Variants in CPEB3 observed in about 807,000 individuals in gnomAD.
CPEB3 encodes cytoplasmic polyadenylation element binding protein 3.
A neutral mutation model predicts 67.2 loss-of-function variants in CPEB3; 20 were observed. The ratio of observed to expected loss-of-function variants is 0.30; its 90% CI spans 0.21 to 0.43. The LOEUF (loss-of-function observed/expected upper bound fraction) is 0.43. CPEB3 is among the 20% of genes least tolerant of loss of function. CPEB3 has a pLI of 1.00. For missense variants in CPEB3, 746 were observed against 968.6 expected, an observed-to-expected ratio of 0.77 and a Z score of 3.05; for synonymous variants, 376 against 393.1, an observed-to-expected ratio of 0.96 and a Z score of 0.51.
At chr10:92,178,874 T>C (rs1848344405) in intron 4 of CPEB3, among the ~76,000 whole-genome samples, 1 of 152,106 alleles carries the variant, frequency 6.6e-6, no homozygotes, top group Admixed American at 6.5e-5. Flanking sequence ...ATATTTTTGT[T>C]CTGATCATCT....
chr10:92,267,887 C>T (rs1282979568), intron 1 of CPEB3, among the ~76,000 whole-genome samples: 2 of 152,154 alleles, frequency 1.3e-5, no homozygotes, highest in Admixed American at 6.6e-5. Flanking sequence ...GGCACGATCT[C>T]GGCTCACTGC....
intron 1 of CPEB3, among the ~76,000 whole-genome samples, chr10:92,285,947 C>CT (rs11380868): frequency 0.1 from 14,647 of 142,654 alleles, 2,240 homozygotes; most frequent in African/African-American, 0.34. Context: ...TTGCTTTTTT[C>CT]TTTTTTTTTT....
At chr10:92,100,656 A>C (rs548175562) in intron 7 of CPEB3, among the ~76,000 whole-genome samples, 1 of 151,964 alleles carries the variant, frequency 6.6e-6, no homozygotes, top group East Asian at 1.9e-4. Flanking sequence ...CAGTGGCACG[A>C]TCTCGGCTCA....
chr10:92,276,721 G>C (rs1283422304), intron 1 of CPEB3, among the ~76,000 whole-genome samples: 1 of 152,144 alleles, frequency 6.6e-6, no homozygotes, highest in Admixed American at 6.6e-5. Context: ...GAATTGCTGG[G>C]CTATATGGTA....
intron 7 of CPEB3, among the ~76,000 whole-genome samples, chr10:92,092,538 G>A (rs1843663748): frequency 6.6e-6 from 1 of 152,190 alleles, no homozygotes; most frequent in South Asian, 2.1e-4. Flanking sequence ...CCAGCACTTT[G>A]GGAGGCTGAG....
intron 2 of CPEB3, among the ~76,000 whole-genome samples, chr10:92,206,593 A>C (rs914372434): frequency 1.3e-5 from 2 of 152,006 alleles, no homozygotes; most frequent in African/African-American, 4.8e-5. Context: ...TTCTTTTTTT[A>C]ATTCTTAAAC....
chr10:92,282,375 A>C (rs1842336191), intron 1 of CPEB3, among the ~76,000 whole-genome samples: 1 of 152,152 alleles, frequency 6.6e-6, no homozygotes, highest in Non-Finnish European at 1.5e-5. Flanking sequence ...CTCTAGAACT[A>C]AGAAACTAAA....
In CPEB3 at chr10:92,061,419, C is replaced by CAAA. The variant is rs148327302; in HGVS notation, c.1870-8983_1870-8981dup. On this transcript the variant is annotated intron_variant, in intron 9 of 9. Transcript: ENST00000265997. ...GGGTGAAAAGAGCGAAATTCTGTCT[C>CAAA]AAAAAAAAAAAAAAAAAAAAAAAAC... Among the ~76,000 whole-genome samples the CAAA allele has an allele frequency of 5.2e-3, 481 of 93,068 alleles. 3 individuals are homozygous for CAAA. The highest frequency in any genetic ancestry group is 6.7e-3 in the Non-Finnish European group (303 of 45,352). The allele number at this position is 93,068 out of a possible 152,430, so 61.1% of individuals were successfully genotyped here. A position where few individuals can be genotyped will look rare whatever the true frequency, so the allele number is the denominator to read the frequency against.
intron 2 of CPEB3, among the ~76,000 whole-genome samples, chr10:92,212,772 T>C (rs987022965): frequency 2.0e-5 from 3 of 152,076 alleles, no homozygotes; most frequent in African/African-American, 7.2e-5. Context: ...TAAAATATAT[T>C]AGTAAAATTA....
intron 1 of CPEB3, among the ~76,000 whole-genome samples, chr10:92,280,343 C>CAAAAAAAAAAA (rs60338900): frequency 2.6e-5 from 1 of 37,796 alleles, no homozygotes; most frequent in Non-Finnish European, 4.5e-5. Flanking sequence ...AACTCCATCT[C>CAAAAAAAAAAA]AAAAAAAAAA....
chr10:92,229,692 C>A (rs920425639), intron 2 of CPEB3, among the ~76,000 whole-genome samples: 2 of 152,164 alleles, frequency 1.3e-5, no homozygotes, highest in African/African-American at 4.8e-5. Context: ...TGAAGATGTC[C>A]TTTATAATAT....
intron 1 of CPEB3, chr10:92,272,057 C>T (rs950190168): frequency 6.6e-6 from 1 of 152,188 alleles, no homozygotes; most frequent in African/African-American, 2.4e-5. Flanking sequence ...TAATTCATTA[C>T]TATTATTATT....
At chr10:92,061,779 G>A (rs921510549) in intron 9 of CPEB3, among the ~76,000 whole-genome samples, 1 of 152,026 alleles carries the variant, frequency 6.6e-6, no homozygotes, top group Non-Finnish European at 1.5e-5. Context: ...ATCACAACAG[G>A]GTGACTATAG....
intron 1 of CPEB3, among the ~76,000 whole-genome samples, chr10:92,246,063 C>T (rs1852048159): frequency 1.3e-5 from 2 of 149,284 alleles, no homozygotes; most frequent in Admixed American, 6.7e-5. Context: ...AGGCCAGGCG[C>T]GGTGGCTCAA....
At chr10:92,207,048 C>T (rs551901701) in intron 2 of CPEB3, among the ~76,000 whole-genome samples, 16 of 152,104 alleles carry the variant, frequency 1.1e-4, no homozygotes, top group African/African-American at 3.1e-4. Context: ...TACAGTGGCA[C>T]GATCTTGGCT....
Position 92,081,513 on chromosome 10 carries a change from A to T in CPEB3, c.1688-12T>A. The T allele has an allele frequency of 6.2e-7, 1 of 1,608,890 alleles. No homozygotes were observed. The highest frequency in any genetic ancestry group is 1.1e-5 in the South Asian group (1 of 89,838). On this transcript the variant is annotated splice_polypyrimidine_tract_variant and intron_variant, in intron 8 of 9. Transcript: ENST00000265997. Reference sequence around the variant, plus strand: ...CATTGCCAGTTCAACTGCAAAAAAAAAACAAAACATGGATGTGTATAAATA... The same window carrying T: ...CATTGCCAGTTCAACTGCAAAAAAATAACAAAACATGGATGTGTATAAATA...
At chr10:92,122,037 C>T (rs1008198300) in intron 6 of CPEB3, among the ~76,000 whole-genome samples, 1 of 152,020 alleles carries the variant, frequency 6.6e-6, no homozygotes, top group Non-Finnish European at 1.5e-5. Flanking sequence ...CTAGGAGATG[C>T]CAGGTATGAT....
At chr10:92,289,538 T>C (rs1420346104) in intron 1 of CPEB3, among the ~76,000 whole-genome samples, 1 of 151,222 alleles carries the variant, frequency 6.6e-6, no homozygotes, top group African/African-American at 2.4e-5. Flanking sequence ...CAAGACTCCA[T>C]CTCTCAAAAT....
intron 1 of CPEB3, among the ~76,000 whole-genome samples, chr10:92,247,882 CTTTGT>C (rs1444588616): frequency 6.6e-6 from 1 of 151,962 alleles, no homozygotes; most frequent in East Asian, 1.9e-4. Flanking sequence ...GCCCCCCATC[CTTTGT>C]TTTGTTTTTG....
Sources: gnomAD v4.1 joint callset for allele counts (sites outside exome capture counted in the v4.1 genomes callset) on GRCh38, gnomAD v4.1.1 for gene constraint, MANE v1.5 for transcripts, NCBI Gene and HGNC (gene_info 2026-07-23, HGNC 2026-07-21) for gene names.